The following TF variants were observed in gnomAD, a reference collection of about 807,000 sequenced individuals.
TF encodes transferrin, also known as serotransferrin.
TF carries 55 observed loss-of-function variants against 82.4 expected under a neutral mutation model. The ratio of observed to expected loss-of-function variants is 0.67; its 90% CI spans 0.54 to 0.84. TF has a LOEUF of 0.84. Ranked by LOEUF, TF falls within the 40% of genes least tolerant of loss-of-function variation. TF has a pLI of 0.00. For missense variants in TF, 737 were observed against 868.4 expected (o/e 0.85, Z 1.90); for synonymous variants, 332 against 332.6 (o/e 1.00, Z 0.02).
chr3:133,755,396 CT>C lies in TF; in HGVS notation c.538del (p.Cys180ValfsTer35). ...AATTTCTTCTCGGGCAGCTGTGCCC[CT>C]TGTGCGGATGGGACGGACTTCCCCC... ...VANFFSGSCA[P>X]CADGTDFPQL... On this transcript the variant is annotated frameshift_variant, in exon 5 of 17. Transcript: ENST00000402696. LOFTEE classifies it high-confidence loss of function. 1 of 1,614,230 alleles carries C rather than the reference CT, an allele frequency of 6.2e-7. No individual in the cohort carries two copies. The highest frequency in any genetic ancestry group is 8.5e-7 in the Non-Finnish European group (1 of 1,180,052).
rs371174706 is a variant in TF, at chr3:133,756,947, G to A, written c.808G>A (p.Val270Ile). 15 of 1,614,006 alleles carry A rather than the reference G, an allele frequency of 9.3e-6. No individual in the cohort carries two copies. Among genetic ancestry groups the A allele is most frequent in the Middle Eastern group, 1.6e-4 (1 of 6,084 alleles). The change falls in exon 7 of 17, where the codon GTC (valine) becomes ATC (isoleucine). Residue 270 changes from valine (V) to isoleucine (I), a missense_variant. Transcript: ENST00000402696. ...CHLAQVPSHT[V>I]VARSMGGKED... ...CTTGGCCCAGGTCCCTTCTCATACC[G>A]TCGTGGCCCGAAGTATGGGCGGCAA...
Position 133,791,294 on chromosome 3 carries a change from CTCTG to C in TF, c.*12679_*12682del, listed in dbSNP as rs1289218260. ...CATAAACAGAATTTGAGTCATATTT[CTCTG>C]TCTGCCCATTTTCTCCAAAATTCGT... On this transcript the variant is annotated 3_prime_UTR_variant, in exon 17 of 17. Transcript: ENST00000402696. 1 of 152,114 alleles carries C rather than the reference CTCTG, an allele frequency of 6.6e-6. No individual in the cohort carries two copies. The highest frequency in any genetic ancestry group is 1.5e-5 in the Non-Finnish European group (1 of 68,018). 9.4% of individuals were successfully genotyped at this position (152,114 alleles called of 1,614,324 possible).
upstream of TF, among the ~76,000 whole-genome samples, chr3:133,745,399 A>C (rs1933471571): frequency 6.6e-6 from 1 of 152,270 alleles, no homozygotes; most frequent in South Asian, 2.1e-4. Flanking sequence ...CCGCATAAGC[A>C]AAACGACATT....
chr3:133,766,583 A>G, intron 12 of TF, 150 bp downstream of exon 12: 1 of 1,081,398 alleles, frequency 9.2e-7, no homozygotes, highest in Non-Finnish European at 1.4e-6. Context: ...TGCTGTCCTC[A>G]AGGACATAGC....
chr3:133,748,722 A>G lies in TF; in HGVS notation c.216+138A>G, dbSNP rs1342015450. On this transcript the variant is annotated intron_variant, in intron 2 of 16. Transcript: ENST00000402696. ...ACCTTGACTTACTAAAATCACTTCA[A>G]AAGTGGAAATGGGGAGGTTTTCTTT... 1.3e-5 allele frequency: 15 copies of G among 1,156,102 alleles called. No homozygotes were observed. The Admixed American group carries it at 1.4e-4, about 11-fold the overall frequency. 71.6% of individuals were successfully genotyped at this position (1,156,102 alleles called of 1,614,324 possible).
rs1934129324 is a variant in TF, at chr3:133,766,407, A to G, written c.1460A>G (p.Tyr487Cys). 1 of 1,614,190 alleles carries G rather than the reference A, an allele frequency of 6.2e-7. No homozygotes were observed. Among genetic ancestry groups the G allele is most frequent in the Non-Finnish European group, 8.5e-7 (1 of 1,180,018 alleles). ...AGWNIPMGLL[Y>C]NKINHCRFDE... is the part of the protein sequence containing the mutation. ...TGGAACATCCCCATGGGCCTGCTCT[A>G]CAATAAGATCAACCACTGCAGATTT... Residue 487 changes from tyrosine (Y) to cysteine (C), a missense_variant, in exon 12 of 17, where the codon TAC becomes TGC. By Grantham distance (194) the Tyr-to-Cys change is radical (BLOSUM62 -2). Transcript: ENST00000402696.
chr3:133,729,967 G>A, the TF span, among the ~76,000 whole-genome samples: 6 of 152,098 alleles, frequency 3.9e-5, no homozygotes, highest in African/African-American at 1.2e-4. Flanking sequence ...CAGGTATTTT[G>A]TAAATTCCTC....
rs1315455798 is a variant in TF, at chr3:133,753,581, C to A, written c.217-14C>A. ...AGTCAAGGCTTCATCCAGGACTGGC[C>A]TGTTCTCTTTCAGGCAAACGAAGCG... On this transcript the variant is annotated splice_polypyrimidine_tract_variant and intron_variant, in intron 2 of 16. Coordinates refer to ENST00000402696, the MANE Select transcript of TF (RefSeq NM_001063.4). The A allele has an allele frequency of 6.2e-7, 1 of 1,612,386 alleles. No homozygotes were observed. The highest frequency in any genetic ancestry group is 1.7e-5 in the Admixed American group (1 of 60,016).
In TF at chr3:133,779,491, A is replaced by T. The variant is rs1272462363; in HGVS notation, c.*871A>T. On this transcript the variant is annotated 3_prime_UTR_variant, in exon 17 of 17. Transcript: ENST00000402696. ...AGTTGACCACTCCCTCCTCCTTGGAACTCTTTTCCTCAGTTTCTCTGACAT... is the reference window on the plus strand; with the variant it reads ...AGTTGACCACTCCCTCCTCCTTGGATCTCTTTTCCTCAGTTTCTCTGACAT... The T allele has an allele frequency of 6.6e-6, 1 of 152,082 alleles. No homozygotes were observed. Among genetic ancestry groups the T allele is most frequent in the East Asian group, 1.9e-4 (1 of 5,192 alleles). 9.4% of individuals were successfully genotyped at this position (152,082 alleles called of 1,614,324 possible).
At position 133,755,376 on chromosome 3, in the gene TF, C is replaced by T. The variant is rs773642590; in HGVS notation, c.516C>T (p.Phe172=). 2.5e-6 allele frequency: 4 copies of T among 1,614,216 alleles called. No homozygotes were observed. In the South Asian group the frequency reaches 4.4e-5, roughly 18 times the overall value. The change falls in exon 5 of 17, where the codon TTC becomes TTT. Residue 172 remains phenylalanine (F), a synonymous_variant. Coordinates refer to ENST00000402696, the MANE Select transcript of TF (RefSeq NM_001063.4). ...RKPLEKAVAN[F]FSGSCAPCAD... is the part of the protein sequence containing the mutation. ...TGTGCTGAGCAGCAGTGGCCAATTT[C>T]TTCTCGGGCAGCTGTGCCCCTTGTG...
chr3:133,756,739 C>A, intron 6 of TF, 92 bp from the exon 7 acceptor site: 1 of 1,516,592 alleles, frequency 6.6e-7, no homozygotes, highest in Non-Finnish European at 9.1e-7. Flanking sequence ...GACCTCTCAG[C>A]TCATACTTTC....
chr3:133,677,903 C>T, the TF span, among the ~76,000 whole-genome samples: 10 of 151,980 alleles, frequency 6.6e-5, no homozygotes, highest in South Asian at 2.1e-4. Context: ...GATACAAGTG[C>T]GGAACATGCA....
the TF span, among the ~76,000 whole-genome samples, chr3:133,736,865 T>C: frequency 1.3e-5 from 2 of 152,038 alleles, no homozygotes; most frequent in Admixed American, 6.6e-5. Context: ...CACACAATAA[T>C]AGTGGGAGAC....
At chr3:133,778,145 T>C (rs1934441839) in intron 16 of TF, 1 of 203,368 alleles carries the variant, frequency 4.9e-6, no homozygotes, top group African/African-American at 2.3e-5. Context: ...ACCTAACCTA[T>C]ATCCTCCACA....
At chr3:133,697,526 ATT>A in the TF span, among the ~76,000 whole-genome samples, 1 of 152,208 alleles carries the variant, frequency 6.6e-6, no homozygotes, top group Non-Finnish European at 1.5e-5. Flanking sequence ...GACCATCTTG[ATT>A]TACCTTTGCC....
chr3:133,756,862 G>A lies in TF; in HGVS notation c.723G>A (p.Gln241=), dbSNP rs777168746. Residue 241 remains glutamine, a synonymous_variant, in exon 7 of 17, where the codon CAG becomes CAA. Coordinates refer to ENST00000402696, the MANE Select transcript of TF (RefSeq NM_001063.4). ...TGGCAAACAAGGCTGACAGGGACCAGTATGAGCTGCTTTGCCTGGACAACA... is the reference window on the plus strand; with the variant it reads ...TGGCAAACAAGGCTGACAGGGACCAATATGAGCTGCTTTGCCTGGACAACA... ...ENLANKADRD[Q]YELLCLDNTR... is the part of the protein sequence containing the mutation. 3 of 1,614,230 alleles carry A rather than the reference G, an allele frequency of 1.9e-6. No individual in the cohort carries two copies. Among genetic ancestry groups the A allele is most frequent in the Non-Finnish European group, 2.5e-6 (3 of 1,180,048 alleles).
intron 14 of TF, among the ~76,000 whole-genome samples, chr3:133,772,084 A>C (rs527711856): frequency 9.2e-5 from 14 of 152,322 alleles, no homozygotes; most frequent in Admixed American, 2.0e-4. Context: ...TATTGCCATT[A>C]TGATTGAATT....
the TF span, among the ~76,000 whole-genome samples, chr3:133,704,493 A>G: frequency 6.6e-6 from 1 of 152,248 alleles, no homozygotes; most frequent in African/African-American, 2.4e-5. Flanking sequence ...ATTAAGATAT[A>G]GACAAAGGAA....
chr3:133,698,715 C>A, the TF span, among the ~76,000 whole-genome samples: 29 of 152,336 alleles, frequency 1.9e-4, no homozygotes, highest in African/African-American at 7.0e-4. Flanking sequence ...ATTACATTTT[C>A]AAGGTCCCTA....
Sources: allele counts gnomAD v4.1 joint callset (sites outside exome capture counted in the v4.1 genomes callset), GRCh38; gene constraint gnomAD v4.1.1; transcripts MANE v1.5; gene names NCBI Gene and HGNC (gene_info 2026-07-23, HGNC 2026-07-21).